The following PROCA1 variants were observed in gnomAD, a reference collection of about 807,000 sequenced individuals.
PROCA1 encodes the protein protein PROCA1.
Under a neutral mutation model 23.2 loss-of-function variants are expected in PROCA1, and 22 were observed. The observed-to-expected ratio is 0.95, with a 90% CI of 0.68 to 1.35. The LOEUF is 1.35. Among genes scored for constraint, PROCA1 ranks in the 40% most tolerant of loss-of-function variants. The pLI is 0.00. For missense variants in PROCA1, 469 were observed against 459.8 expected (o/e 1.02, Z -0.18); for synonymous variants, 182 against 179.2 (o/e 1.02, Z -0.12).
At chr17:28,707,038 G>A in intron 1 of PROCA1, 3 of 335,528 alleles carry the variant, frequency 8.9e-6, no homozygotes, top group South Asian at 4.5e-5. Context: ...CAGGACAAGG[G>A]CCACCTACCA....
At chr17:28,708,149 A>C (rs2032611130) in intron 1 of PROCA1, among the ~76,000 whole-genome samples, 2 of 152,264 alleles carry the variant, frequency 1.3e-5, no homozygotes, top group South Asian at 4.1e-4. Context: ...AGCTGGGATT[A>C]CAGGTGCACG....
chr17:28,703,969 C>G lies in PROCA1; in HGVS notation c.684G>C (p.Gln228His). The G allele has an allele frequency of 6.2e-7, 1 of 1,610,750 alleles. No homozygotes were observed. Reference sequence around the variant, plus strand: ...TTACCTTCTTGATCACCTTGCTGCCCTGACCCTTCCCTGTGGGGCTCTCAG... The same window carrying G: ...TTACCTTCTTGATCACCTTGCTGCCGTGACCCTTCCCTGTGGGGCTCTCAG... ...WRSESPTGKGQGSKVIKKVKK... is the reference protein window; with the variant it reads ...WRSESPTGKGHGSKVIKKVKK... Residue 228 changes from glutamine (Q) to histidine (H), a missense_variant, in exon 5 of 5, where the codon CAG becomes CAC. Gln to His is a conservative substitution (Grantham distance 24). Coordinates refer to ENST00000682792, the MANE Select transcript of PROCA1 (RefSeq NM_001366301.1).
intron 1 of PROCA1, among the ~76,000 whole-genome samples, chr17:28,710,597 C>CTACTTACTGTTGTAAGT (rs2032734215): frequency 6.6e-6 from 1 of 151,322 alleles, no homozygotes; most frequent in Non-Finnish European, 1.5e-5. Flanking sequence ...GGACACCCAT[C>CTACTTACTGTTGTAAGT]AGCTCTGTTT....
At chr17:28,707,147 G>A in intron 1 of PROCA1, 1 of 241,840 alleles carries the variant, frequency 4.1e-6, no homozygotes, top group Non-Finnish European at 8.5e-6. Flanking sequence ...AGGCAAGGAG[G>A]GACAGCTCCA....
chr17:28,704,161 G>T lies in PROCA1; in HGVS notation c.492C>A (p.Tyr164Ter). The stretch of plus-strand genomic sequence containing the variant: ...TTAGATCATCTGCCCCACACTCATG[G>T]TAGAGTGGATGGTGGATCACTGCCA... ...VSVAVIHHPL[Y>*]HECGADDLNE... is the part of the protein sequence containing the mutation. The change falls in exon 5 of 5, where the codon TAC becomes TAA. Residue 164 changes from tyrosine (Y) to a stop codon, truncating the protein, a stop_gained. Coordinates refer to ENST00000682792, the MANE Select transcript of PROCA1 (RefSeq NM_001366301.1). LOFTEE classifies it low-confidence loss of function (END_TRUNC). 2 of 1,546,566 alleles carry T rather than the reference G, an allele frequency of 1.3e-6. No individual in the cohort carries two copies. Among genetic ancestry groups the T allele is most frequent in the Non-Finnish European group, 8.7e-7 (1 of 1,151,830 alleles).
intron 1 of PROCA1, among the ~76,000 whole-genome samples, chr17:28,708,329 A>G (rs756335690): frequency 2.0e-5 from 3 of 152,050 alleles, no homozygotes; most frequent in Admixed American, 6.6e-5. Context: ...TGACCAATGA[A>G]TCTCCTTCTT....
In PROCA1 at chr17:28,711,557, C is replaced by T. The variant is rs2032786698; in HGVS notation, c.91+13G>A. 1 of 1,605,092 alleles carries T rather than the reference C, an allele frequency of 6.2e-7. No individual in the cohort carries two copies. Among genetic ancestry groups the T allele is most frequent in the East Asian group, 2.3e-5 (1 of 44,360 alleles). ...CCGCGCCCTCTGCCCAGCCCCTGCCCCGCCCCTCTTACCGCGGCATCTGCT... is the reference window on the plus strand; with the variant it reads ...CCGCGCCCTCTGCCCAGCCCCTGCCTCGCCCCTCTTACCGCGGCATCTGCT... On this transcript the variant is annotated intron_variant, in intron 1 of 4. Transcript: ENST00000682792.
In PROCA1 at chr17:28,711,865, C is replaced by T. The variant is rs2032803389; in HGVS notation, c.-205G>A. ...CTGCGTAGTCTTCCCAGCTGGGTCT[C>T]AGCGTCAGCCGCGTTCTTCATCCGG... On this transcript the variant is annotated 5_prime_UTR_variant, in exon 1 of 5. Coordinates refer to ENST00000682792, the MANE Select transcript of PROCA1 (RefSeq NM_001366301.1). 1 of 499,858 alleles carries T rather than the reference C, an allele frequency of 2.0e-6. No homozygotes were observed. The highest frequency in any genetic ancestry group is 2.0e-5 in the African/African-American group (1 of 49,348). The allele number at this position is 499,858 out of a possible 1,614,324, so 31.0% of individuals were successfully genotyped here.
chr17:28,711,353 A>C (rs568632051), intron 1 of PROCA1: 2 of 554,384 alleles, frequency 3.6e-6, no homozygotes, highest in East Asian at 3.4e-5. Context: ...GGGCCTCAGG[A>C]CCCCAGTCCT....
chr17:28,707,580 C>T (rs1012891374), intron 1 of PROCA1: 7 of 152,206 alleles, frequency 4.6e-5, no homozygotes, highest in African/African-American at 1.4e-4. Flanking sequence ...CTTTGCTTGC[C>T]TGGGAAAAGG....
rs750211068 is a variant in PROCA1 at position 28,703,689 on chromosome 17, T to C, written c.964A>G (p.Ile322Val). 3.1e-6 allele frequency: 5 copies of C among 1,614,088 alleles called. No homozygotes were observed. Among genetic ancestry groups the C allele is most frequent in the Non-Finnish European group, 3.4e-6 (4 of 1,180,046 alleles). ...TTCCTGGGCGATGATGATTCCACAA[T>C]ATCCTCGCTGGACAGTTCTCCCTGC... ...RGQGELSSED[I>V]VESSSPRKRE... The change falls in exon 5 of 5, where the codon ATT becomes GTT. Residue 322 changes from isoleucine to valine, a missense_variant. Ile to Val is a conservative substitution (Grantham distance 29). Transcript: ENST00000682792.
Position 28,703,951 on chromosome 17 carries a change from C to T in PROCA1, c.702G>A (p.Lys234=), listed in dbSNP as rs746545857. 39 of 1,611,412 alleles carry T rather than the reference C, an allele frequency of 2.4e-5. No individual in the cohort carries two copies. The highest frequency in any genetic ancestry group is 3.2e-5 in the Non-Finnish European group (38 of 1,178,914). ...TGKGQGSKVI[K]KVKKKKEKEK... ...CTTTTTCCTTTTTCTTCTTTACCTT[C>T]TTGATCACCTTGCTGCCCTGACCCT... is the stretch of plus-strand genomic sequence containing the variant. The change falls in exon 5 of 5, where the codon AAG becomes AAA. Residue 234 remains lysine, a synonymous_variant. Coordinates refer to ENST00000682792, the MANE Select transcript of PROCA1 (RefSeq NM_001366301.1).
At position 28,703,749 on chromosome 17, in the gene PROCA1, C is replaced by T. The variant is rs1288498781; in HGVS notation, c.904G>A (p.Glu302Lys). The T allele has an allele frequency of 2.5e-6, 4 of 1,614,140 alleles. No homozygotes were observed. The highest frequency in any genetic ancestry group is 1.1e-5 in the South Asian group (1 of 91,086). ...TTGTAACTGTCCTCGCTCTCCAGCT[C>T]TTCCCGGCTTTCTGGGCTGGACTCG... ...MSESSPESRE[E>K]LESEDSYNGR... Residue 302 changes from glutamate to lysine, a missense_variant, in exon 5 of 5, where the codon GAG (glutamate) becomes AAG (lysine). Glu to Lys is a moderately conservative substitution (Grantham distance 56, BLOSUM62 1). Transcript: ENST00000682792.
intron 1 of PROCA1, chr17:28,710,765 C>T: frequency 7.7e-7 from 1 of 1,301,486 alleles, no homozygotes; most frequent in South Asian, 1.2e-5. Flanking sequence ...ACTGACAACA[C>T]ACACAATGAA....
At chr17:28,704,607 C>A in intron 3 of PROCA1, 101 bp downstream of exon 3, 2 of 1,571,904 alleles carry the variant, frequency 1.3e-6, no homozygotes, top group South Asian at 1.2e-5. Context: ...CTGGCAGCAC[C>A]AATTCAAAGC....
chr17:28,703,587 G>A lies in PROCA1; in HGVS notation c.1066C>T (p.Pro356Ser), dbSNP rs774832594. The change falls in exon 5 of 5, where the codon CCC (proline) becomes TCC (serine). Residue 356 changes from proline to serine, a missense_variant. By Grantham distance (74) the Pro-to-Ser change is moderately conservative (BLOSUM62 -1). Transcript: ENST00000682792. ...QARKVNKRKS[P>S]PGSNPNLS ...CTGAGGTTGGGGTTTGATCCTGGGG[G>A]AGATTTTCTCTTGTTTACCTTCCTG... The A allele has an allele frequency of 1.2e-6, 2 of 1,614,190 alleles. No homozygotes were observed. Among genetic ancestry groups the A allele is most frequent in the Non-Finnish European group, 1.7e-6 (2 of 1,180,032 alleles).
chr17:28,704,074 G>A lies in PROCA1; in HGVS notation c.579C>T (p.Pro193=), dbSNP rs768910211. The A allele has an allele frequency of 1.0e-5, 16 of 1,595,598 alleles. No homozygotes were observed. The highest frequency in any genetic ancestry group is 9.5e-5 in the African/African-American group (7 of 73,640). Residue 193 remains proline (P), a synonymous_variant, in exon 5 of 5, where the codon CCC becomes CCT. Coordinates refer to ENST00000682792, the MANE Select transcript of PROCA1 (RefSeq NM_001366301.1). The part of the protein sequence containing the change: ...SKPPIPTQVG[P]ATASPDLGTS... ...TGCCTAGGTCAGGGGAGGCGGTGGCGGGCCCCACCTGTGTCGGGATGGGGG... is the reference window on the plus strand; with the variant it reads ...TGCCTAGGTCAGGGGAGGCGGTGGCAGGCCCCACCTGTGTCGGGATGGGGG...
intron 1 of PROCA1, among the ~76,000 whole-genome samples, chr17:28,708,284 C>T (rs1009788163): frequency 6.6e-6 from 1 of 152,122 alleles, no homozygotes; most frequent in Non-Finnish European, 1.5e-5. Flanking sequence ...GGATTACAGG[C>T]GTGAGCCACT....
Position 28,703,443 on chromosome 17 carries a change from G to T in PROCA1, c.*115C>A, listed in dbSNP as rs1474721367. ...GGATTGCCTTTGAGAAACCCCTGCA[G>T]CCCTGAGCCCACCCCTTGCCCCGCA... On this transcript the variant is annotated 3_prime_UTR_variant, in exon 5 of 5. Transcript: ENST00000682792. 4 of 1,123,804 alleles carry T rather than the reference G, an allele frequency of 3.6e-6. No individual in the cohort carries two copies. The highest frequency in any genetic ancestry group is 4.5e-5 in the Admixed American group (2 of 44,536). 69.6% of individuals were successfully genotyped at this position (1,123,804 alleles called of 1,614,324 possible).
Sources: gnomAD v4.1 joint callset for allele counts (sites outside exome capture counted in the v4.1 genomes callset) on GRCh38, gnomAD v4.1.1 for gene constraint, MANE v1.5 for transcripts, NCBI Gene and HGNC (gene_info 2026-07-23, HGNC 2026-07-21) for gene names.